PPP1R42: variants seen among roughly 807,000 people sequenced by gnomAD.
PPP1R42 encodes protein phosphatase 1 regulatory subunit 42, also known as leucine rich repeat containing 67.
A neutral mutation model predicts 31.0 loss-of-function variants in PPP1R42; 34 were observed. The observed-to-expected ratio is 1.10, with a 90% CI of 0.83 to 1.46. The LOEUF (loss-of-function observed/expected upper bound fraction) is 1.46. Among genes scored for constraint, PPP1R42 ranks in the 40% most tolerant of loss-of-function variants. PPP1R42 has a pLI of 0.00. For missense variants in PPP1R42, 268 were observed against 303.0 expected, an observed-to-expected ratio of 0.88 and a Z score of 0.86; for synonymous variants, 103 against 109.8, an observed-to-expected ratio of 0.94 and a Z score of 0.39.
At chr8:66,981,593 A>G (rs1339528858) in intron 7 of PPP1R42, among the ~76,000 whole-genome samples, 1 of 151,752 alleles carries the variant, frequency 6.6e-6, no homozygotes, top group Admixed American at 6.6e-5. Context: ...GTTGGCCAGG[A>G]TGGTCTTGAA....
chr8:66,967,181 A>G (rs1222667689), intron 7 of PPP1R42, among the ~76,000 whole-genome samples: 4 of 152,026 alleles, frequency 2.6e-5, no homozygotes, highest in African/African-American at 7.2e-5. Context: ...TGTGTTGCCT[A>G]GGCTGGTTTC....
chr8:67,007,125 A>G (rs1369057727), intron 5 of PPP1R42, among the ~76,000 whole-genome samples: 1 of 148,594 alleles, frequency 6.7e-6, no homozygotes, highest in Non-Finnish European at 1.5e-5. Flanking sequence ...TGATCCACCC[A>G]CTTCAGCCTC....
intron 5 of PPP1R42, among the ~76,000 whole-genome samples, chr8:67,004,943 G>A (rs1483872223): frequency 6.6e-6 from 1 of 152,106 alleles, no homozygotes; most frequent in African/African-American, 2.4e-5. Flanking sequence ...TTTCTCTTGA[G>A]CTAGTCAGTT....
At chr8:67,005,392 G>C (rs184566508) in intron 5 of PPP1R42, among the ~76,000 whole-genome samples, 167 of 151,968 alleles carry the variant, frequency 1.1e-3, no homozygotes, top group South Asian at 4.4e-3. Flanking sequence ...GATTGGTCTT[G>C]GTCTCATTTT....
chr8:66,968,085 A>T (rs555118335), intron 7 of PPP1R42, among the ~76,000 whole-genome samples: 15 of 152,298 alleles, frequency 9.8e-5, no homozygotes, highest in South Asian at 8.3e-4. Flanking sequence ...ACCATATTTT[A>T]AAAAATTGAA....
chr8:67,004,079 G>C (rs1177411541), intron 5 of PPP1R42, among the ~76,000 whole-genome samples: 2 of 147,934 alleles, frequency 1.4e-5, no homozygotes, highest in East Asian at 2.0e-4. Context: ...GACAGAGCGA[G>C]ACTCCGTCTC....
intron 5 of PPP1R42, among the ~76,000 whole-genome samples, chr8:67,003,389 C>A: frequency 3.0e-5 from 1 of 32,908 alleles, no homozygotes; most frequent in East Asian, 8.3e-4. Context: ...TTTCATGCTT[C>A]TTTTTTTTTT....
intron 6 of PPP1R42, chr8:66,984,814 G>A: frequency 1.9e-6 from 3 of 1,604,672 alleles, no homozygotes; most frequent in South Asian, 1.1e-5. Context: ...GGGTTCTGGA[G>A]GAGGCATCAG....
intron 5 of PPP1R42, among the ~76,000 whole-genome samples, chr8:67,005,380 G>T (rs561765849): frequency 6.6e-6 from 1 of 152,052 alleles, no homozygotes; most frequent in Non-Finnish European, 1.5e-5. Context: ...GAGTGTTTTT[G>T]TGATTGGTCT....
At chr8:67,014,985 G>A (rs774308028) in intron 2 of PPP1R42, among the ~76,000 whole-genome samples, 10 of 152,048 alleles carry the variant, frequency 6.6e-5, no homozygotes, top group Non-Finnish European at 1.5e-4. Context: ...ACTGAAAACT[G>A]GGAGTCATCT....
In PPP1R42 at chr8:67,023,943, G is replaced by A. The variant is rs4446722; in HGVS notation, c.-85+4548C>T. On this transcript the variant is annotated intron_variant, in intron 1 of 7. Transcript: ENST00000685739. ...GCAGATCACGAGGCCAAGAGATCGA[G>A]ACCATCCTGGCCAAAATGGTGAAAA... Among the ~76,000 whole-genome samples, 9 of 151,962 alleles carry A rather than the reference G, an allele frequency of 5.9e-5. No individual in the cohort carries two copies. In the East Asian group the frequency reaches 1.6e-3, roughly 26 times the overall value.
At position 67,014,497 on chromosome 8, in the gene PPP1R42, G is replaced by C. The variant is rs1292554143; in HGVS notation, c.225C>G (p.Thr75=). 6.3e-7 allele frequency: 1 copy of C among 1,590,574 alleles called. No individual in the cohort carries two copies. Among genetic ancestry groups the C allele is most frequent in the Non-Finnish European group, 8.6e-7 (1 of 1,164,126 alleles). The change falls in exon 3 of 8, where the codon ACC becomes ACG. Residue 75 remains threonine, a synonymous_variant. Coordinates refer to ENST00000685739, the MANE Select transcript of PPP1R42 (RefSeq NM_001364910.1). ...ITNLNYATNL[T]HLYLQNNCIS... ...TACAATTGTTTTGTAGGTACAAGTG[G>C]GTCAGATTTGTGGCATAATTCAGGT...
intron 5 of PPP1R42, among the ~76,000 whole-genome samples, chr8:66,996,810 AGTT>A (rs1268576813): frequency 1.3e-5 from 2 of 152,236 alleles, no homozygotes; most frequent in African/African-American, 2.4e-5. Context: ...TTGGATATCC[AGTT>A]GTTCCACCAT....
chr8:66,986,093 C>T (rs1815002170), intron 6 of PPP1R42: 3 of 720,592 alleles, frequency 4.2e-6, no homozygotes, highest in Non-Finnish European at 7.9e-6. Flanking sequence ...CTGCCTTCTT[C>T]TTGTCCATGC....
chr8:66,981,744 T>C (rs1005307848), intron 7 of PPP1R42, among the ~76,000 whole-genome samples: 2 of 152,194 alleles, frequency 1.3e-5, no homozygotes, highest in African/African-American at 4.8e-5. Context: ...ATAGCTGATA[T>C]CATGCACTTT....
intron 5 of PPP1R42, among the ~76,000 whole-genome samples, chr8:67,003,417 G>A (rs1206175390): frequency 1.3e-3 from 107 of 82,576 alleles, no homozygotes; most frequent in African/African-American, 4.6e-3. Flanking sequence ...TTTTCCACAA[G>A]ACTACATCTA....
chr8:67,026,694 T>G (rs1217264786), intron 1 of PPP1R42, among the ~76,000 whole-genome samples: 1 of 151,934 alleles, frequency 6.6e-6, no homozygotes, highest in African/African-American at 2.4e-5. Flanking sequence ...GAGCCGGGCA[T>G]GGTGGTACAC....
At chr8:67,012,009 G>A (rs1262579720) in intron 4 of PPP1R42, among the ~76,000 whole-genome samples, 2 of 152,168 alleles carry the variant, frequency 1.3e-5, no homozygotes, top group South Asian at 4.1e-4. Context: ...GGTGGCTCAC[G>A]ACTGTAATCC....
intron 7 of PPP1R42, among the ~76,000 whole-genome samples, chr8:66,978,026 G>A (rs1009335160): frequency 1.3e-5 from 2 of 152,182 alleles, no homozygotes; most frequent in African/African-American, 2.4e-5. Context: ...CACTAACAGT[G>A]TATAAGAGAG....
Sources: allele counts gnomAD v4.1 joint callset (sites outside exome capture counted in the v4.1 genomes callset), GRCh38; gene constraint gnomAD v4.1.1; transcripts MANE v1.5; gene names NCBI Gene and HGNC (gene_info 2026-07-23, HGNC 2026-07-21).